The following TRPC7 variants were observed in gnomAD, a reference collection of about 807,000 sequenced individuals.
The protein encoded by TRPC7 is short transient receptor potential channel 7.
Under a neutral mutation model 90.1 loss-of-function variants are expected in TRPC7, and 42 were observed. That is an observed-to-expected ratio of 0.47 (90% CI 0.36 to 0.60). TRPC7 has a LOEUF of 0.60. TRPC7 is among the 20% of genes least tolerant of loss of function. The pLI is 0.00. For missense variants in TRPC7, 955 were observed against 1,112.3 expected, an observed-to-expected ratio of 0.86 and a Z score of 2.01; for synonymous variants, 451 against 436.3, an observed-to-expected ratio of 1.03 and a Z score of -0.42.
chr5:136,226,283 C>T, intron 8 of TRPC7, 28 bp from the exon 9 acceptor site: 2 of 1,508,644 alleles, frequency 1.3e-6, no homozygotes, highest in East Asian at 2.5e-5. Flanking sequence ...CAACAACACA[C>T]CCTCAAAGGC....
At chr5:136,326,458 T>A (rs1285289289) in intron 2 of TRPC7, among the ~76,000 whole-genome samples, 2 of 152,172 alleles carry the variant, frequency 1.3e-5, no homozygotes, top group Non-Finnish European at 2.9e-5. Context: ...TTGCTTCAAT[T>A]TTTTCTTTCA....
In TRPC7 at chr5:136,289,364, T is replaced by G. The variant is rs181502757; in HGVS notation, c.964-14527A>C. 2.3e-3 allele frequency among the ~76,000 whole-genome samples: 354 copies of G among 152,286 alleles called. 1 individual carries two copies. Among genetic ancestry groups the G allele is most frequent in the Admixed American group, 4.4e-3 (67 of 15,306 alleles). Reference sequence around the variant, plus strand: ...GCAAGGCATCGCCTCACCTGGGAAGTGCAAGGAGTCAGGGAATTCCCTTTC... The same window carrying G: ...GCAAGGCATCGCCTCACCTGGGAAGGGCAAGGAGTCAGGGAATTCCCTTTC... On this transcript the variant is annotated intron_variant, in intron 3 of 11. Coordinates refer to ENST00000513104, the MANE Select transcript of TRPC7 (RefSeq NM_020389.3).
intron 3 of TRPC7, among the ~76,000 whole-genome samples, chr5:136,289,918 C>T (rs546332971): frequency 9.9e-5 from 15 of 152,184 alleles, no homozygotes; most frequent in Non-Finnish European, 1.9e-4. Flanking sequence ...ACACCTCACA[C>T]GGCCAGGTAC....
intron 2 of TRPC7, among the ~76,000 whole-genome samples, chr5:136,350,264 G>C (rs972888063): frequency 6.6e-6 from 1 of 152,174 alleles, no homozygotes; most frequent in Non-Finnish European, 1.5e-5. Flanking sequence ...GAGAGAACCA[G>C]GTCAGTCTGG....
intron 3 of TRPC7, among the ~76,000 whole-genome samples, chr5:136,292,583 G>C (rs1191852061): frequency 6.6e-6 from 1 of 152,144 alleles, no homozygotes; most frequent in South Asian, 2.1e-4. Context: ...ACCCTCCCAA[G>C]ACTAAACCAG....
intron 7 of TRPC7, among the ~76,000 whole-genome samples, chr5:136,236,142 A>G (rs985110098): frequency 2.0e-5 from 3 of 152,212 alleles, no homozygotes; most frequent in African/African-American, 7.2e-5. Flanking sequence ...GTACCAGGCG[A>G]TGAGGATACA....
chr5:136,219,778 A>T (rs1755392432), intron 10 of TRPC7, among the ~76,000 whole-genome samples: 2 of 152,196 alleles, frequency 1.3e-5, no homozygotes, highest in Admixed American at 1.3e-4. Flanking sequence ...AAACCAAAAA[A>T]ACTTCATGTC....
chr5:136,353,569 A>T (rs1329534489), intron 2 of TRPC7, among the ~76,000 whole-genome samples: 1 of 152,124 alleles, frequency 6.6e-6, no homozygotes, highest in Non-Finnish European at 1.5e-5. Flanking sequence ...TTACAATTTG[A>T]CTTCTTTCCT....
chr5:136,244,968 T>C (rs1756290014), intron 7 of TRPC7, among the ~76,000 whole-genome samples: 1 of 152,206 alleles, frequency 6.6e-6, no homozygotes, highest in South Asian at 2.1e-4. Context: ...TTATTCACCA[T>C]CTCCATTATC....
At chr5:136,290,436 A>G (rs1757899705) in intron 3 of TRPC7, among the ~76,000 whole-genome samples, 1 of 152,236 alleles carries the variant, frequency 6.6e-6, no homozygotes, top group South Asian at 2.1e-4. Context: ...CAATGCAGAG[A>G]AGTCCTTAAA....
At chr5:136,313,671 A>G (rs1039417926) in intron 3 of TRPC7, among the ~76,000 whole-genome samples, 3 of 152,216 alleles carry the variant, frequency 2.0e-5, no homozygotes, top group Admixed American at 2.0e-4. Context: ...GTTTGAGAAA[A>G]TGTATCCCTT....
At chr5:136,344,210 G>A (rs1413428410) in intron 2 of TRPC7, among the ~76,000 whole-genome samples, 17 of 152,156 alleles carry the variant, frequency 1.1e-4, no homozygotes, top group Admixed American at 1.1e-3. Context: ...TTACAAGTGG[G>A]AACTAAACAC....
intron 3 of TRPC7, among the ~76,000 whole-genome samples, chr5:136,295,637 A>G (rs1758142004): frequency 6.6e-6 from 1 of 152,080 alleles, no homozygotes; most frequent in East Asian, 1.9e-4. Flanking sequence ...TAGGCTTCTC[A>G]ATGGCCTCCA....
chr5:136,347,221 G>T (rs949569532), intron 2 of TRPC7, among the ~76,000 whole-genome samples: 1 of 152,136 alleles, frequency 6.6e-6, no homozygotes, highest in East Asian at 1.9e-4. Flanking sequence ...AAGTCACCAC[G>T]TTTGTGCTAC....
chr5:136,283,195 G>A (rs1757599492), intron 3 of TRPC7, among the ~76,000 whole-genome samples: 1 of 152,232 alleles, frequency 6.6e-6, no homozygotes, highest in Non-Finnish European at 1.5e-5. Context: ...TGCCAGCGGG[G>A]CCCACATGGT....
chr5:136,314,760 A>G (rs1351271452), intron 3 of TRPC7, among the ~76,000 whole-genome samples: 1 of 152,184 alleles, frequency 6.6e-6, no homozygotes, highest in Non-Finnish European at 1.5e-5. Context: ...ATCAGGTGAA[A>G]AAGCTTAAAA....
intron 2 of TRPC7, among the ~76,000 whole-genome samples, chr5:136,316,538 G>C (rs1224079899): frequency 1.3e-5 from 2 of 152,118 alleles, no homozygotes; most frequent in East Asian, 3.9e-4. Flanking sequence ...CCTTGACCTT[G>C]TTGTTGTTGT....
chr5:136,308,166 C>T (rs1205097162), intron 3 of TRPC7, among the ~76,000 whole-genome samples: 2 of 152,222 alleles, frequency 1.3e-5, no homozygotes, highest in Non-Finnish European at 2.9e-5. Context: ...TGGAATTCTT[C>T]TTTCTCTTCG....
At chr5:136,351,376 T>G (rs558614017) in intron 2 of TRPC7, among the ~76,000 whole-genome samples, 29 of 152,380 alleles carry the variant, frequency 1.9e-4, no homozygotes, top group African/African-American at 7.0e-4. Flanking sequence ...TCCTGCATGT[T>G]AAGCAGGCAT....
Sources: gnomAD v4.1 joint callset for allele counts (sites outside exome capture counted in the v4.1 genomes callset) on GRCh38, gnomAD v4.1.1 for gene constraint, MANE v1.5 for transcripts, NCBI Gene and HGNC (gene_info 2026-07-23, HGNC 2026-07-21) for gene names.